The following UBQLN4 variants were observed in gnomAD, a reference collection of about 807,000 sequenced individuals.
UBQLN4 encodes ubiquilin-4.
UBQLN4 carries 11 observed loss-of-function variants against 60.4 expected under a neutral mutation model. That is an observed-to-expected ratio of 0.18 (90% CI 0.11 to 0.30). UBQLN4 has a LOEUF of 0.30. Ranked by LOEUF, UBQLN4 falls within the 10% of genes least tolerant of loss-of-function variation. The pLI, the probability that UBQLN4 is intolerant of heterozygous loss-of-function variation, is 1.00. For synonymous variants in UBQLN4, 258 were observed against 313.1 expected (o/e 0.82, Z 1.86); for missense variants, 417 against 795.5 (o/e 0.52, Z 5.72).
intron 10 of UBQLN4, among the ~76,000 whole-genome samples, chr1:156,039,724 T>C (rs1572270037): frequency 1.4e-5 from 2 of 148,022 alleles, no homozygotes; most frequent in Non-Finnish European, 3.0e-5. Flanking sequence ...GATCACGAGG[T>C]CAGGCGATCG....
chr1:156,042,854 G>A lies in UBQLN4; in HGVS notation c.1186C>T (p.Leu396=). ...GGTGCTGAGATCACATTCTGCATCA[G>A]CTGGGGGTTCTCAGAGATCTGCTGG... ...LLQQISENPQ[L]MQNVISAPYM... Residue 396 remains leucine (L), a synonymous_variant, in exon 7 of 11, where the codon CTG becomes TTG. Transcript: ENST00000368309. 1 of 1,614,236 alleles carries A rather than the reference G, an allele frequency of 6.2e-7. No individual in the cohort carries two copies. The highest frequency in any genetic ancestry group is 8.5e-7 in the Non-Finnish European group (1 of 1,180,032).
downstream of UBQLN4, among the ~76,000 whole-genome samples, chr1:156,032,150 G>A (rs1405510867): frequency 6.6e-6 from 1 of 150,908 alleles, no homozygotes; most frequent in Admixed American, 6.6e-5. Flanking sequence ...TTACAGGCAC[G>A]TGCCACCACG....
chr1:156,036,988 T>C lies in UBQLN4; in HGVS notation c.1796A>G (p.Gln599Arg). Residue 599 changes from glutamine (Q) to arginine (R), a missense_variant, in exon 11 of 11, where the codon CAG becomes CGG. By Grantham distance (43) the Gln-to-Arg change is conservative. Transcript: ENST00000368309. ...NAAIERLLGS[Q>R]LS ...GCATGGGCCGAGGGATTAGGAGAGC[T>C]GGGAGCCCAGCAGTCTCTCGATAGC... The C allele has an allele frequency of 1.2e-6, 2 of 1,613,998 alleles. No homozygotes were observed. The highest frequency in any genetic ancestry group is 1.7e-6 in the Non-Finnish European group (2 of 1,179,930).
chr1:156,041,259 T>A (rs1430212418), intron 10 of UBQLN4, among the ~76,000 whole-genome samples: 3 of 152,204 alleles, frequency 2.0e-5, no homozygotes, highest in Non-Finnish European at 2.9e-5. Context: ...CTAAAGCATT[T>A]AGAACAGTAT....
At chr1:156,042,945 G>A in intron 6 of UBQLN4, 32 bp from the exon 7 acceptor site, 1 of 1,608,956 alleles carries the variant, frequency 6.2e-7, no homozygotes, top group Non-Finnish European at 8.5e-7. Context: ...GAAAACAGGA[G>A]AGAAAGGGTC....
At chr1:156,042,051 AG>A (rs1211622249) in intron 8 of UBQLN4, 64 bp from the exon 9 acceptor site, 5 of 1,611,696 alleles carry the variant, frequency 3.1e-6, no homozygotes, top group Non-Finnish European at 4.2e-6. Flanking sequence ...AACCTCAACT[AG>A]GAGTCCAGAG....
At chr1:156,038,191 C>T (rs1683456466) in intron 10 of UBQLN4, among the ~76,000 whole-genome samples, 1 of 152,184 alleles carries the variant, frequency 6.6e-6, no homozygotes, top group Non-Finnish European at 1.5e-5. Flanking sequence ...GGCTGGCCAA[C>T]ATGGCGAAAC....
In UBQLN4 at chr1:156,051,129, A is replaced by G. The variant is rs1202947812; in HGVS notation, c.459T>C (p.Ser153=). The G allele has an allele frequency of 6.2e-7, 1 of 1,613,360 alleles. No individual in the cohort carries two copies. The highest frequency in any genetic ancestry group is 1.7e-5 in the Admixed American group (1 of 59,938). Residue 153 remains serine (S), a synonymous_variant, in exon 3 of 11, where the codon AGT becomes AGC. Transcript: ENST00000368309. Reference sequence around the variant, plus strand: ...GCTTACAGAGTATGGACGCAGTAGCACTGGGGGATCCCTCCCCAGCCCCCG... The same window carrying G: ...GCTTACAGAGTATGGACGCAGTAGCGCTGGGGGATCCCTCCCCAGCCCCCG... ...PSPGAGEGSP[S]ATASILSGFG... is the part of the protein sequence containing the mutation.
Position 156,036,035 on chromosome 1 carries a change from G to T in UBQLN4, c.*943C>A. 16 of 985,626 alleles carry T rather than the reference G, an allele frequency of 1.6e-5. No individual in the cohort carries two copies. Among genetic ancestry groups the T allele is most frequent in the Non-Finnish European group, 1.9e-5 (16 of 829,962 alleles). The allele number at this position is 985,626 out of a possible 1,614,324, so 61.1% of individuals were successfully genotyped here. ...GACCTGGGTCCATGGAAATGTGTGT[G>T]TGTGTGCATATAAGCACATATGCTT... On this transcript the variant is annotated 3_prime_UTR_variant, in exon 11 of 11. Transcript: ENST00000368309.
chr1:156,046,116 G>C (rs1162728496), intron 5 of UBQLN4, among the ~76,000 whole-genome samples: 3 of 151,944 alleles, frequency 2.0e-5, no homozygotes, highest in African/African-American at 7.3e-5. Flanking sequence ...AAAATGCTGA[G>C]ATTATAGGCA....
chr1:156,053,177 G>A (rs1683923789), intron 1 of UBQLN4, among the ~76,000 whole-genome samples: 1 of 152,098 alleles, frequency 6.6e-6, no homozygotes, highest in Non-Finnish European at 1.5e-5. Flanking sequence ...TCCCCCGACA[G>A]CCCCGTCGCT....
At chr1:156,052,995 A>G (rs918578346) in intron 1 of UBQLN4, among the ~76,000 whole-genome samples, 9 of 152,208 alleles carry the variant, frequency 5.9e-5, no homozygotes, top group Non-Finnish European at 1.3e-4. Context: ...AGCCCCGCCT[A>G]TGTGAAATTA....
At chr1:156,039,606 G>A (rs1332142749) in intron 10 of UBQLN4, among the ~76,000 whole-genome samples, 1 of 151,938 alleles carries the variant, frequency 6.6e-6, no homozygotes, top group Admixed American at 6.6e-5. Flanking sequence ...TTTGCCCAAG[G>A]GGTATTTGGA....
chr1:156,046,536 A>G lies in UBQLN4; in HGVS notation c.900+1965T>C, dbSNP rs143468127. Among the ~76,000 whole-genome samples the G allele has an allele frequency of 6.0e-3, 899 of 149,984 alleles. 4 individuals carry two copies. The highest frequency in any genetic ancestry group is 8.3e-3 in the Non-Finnish European group (560 of 67,544). On this transcript the variant is annotated intron_variant, in intron 5 of 10. Transcript: ENST00000368309. ...AACCAAAAACACAAAACATTTTTAA[A>G]GGTTGTATTAAAAAAAAAAAAAGCA... is the stretch of plus-strand genomic sequence containing the variant.
downstream of UBQLN4, chr1:156,033,194 G>A: frequency 1.0e-6 from 1 of 985,362 alleles, no homozygotes; most frequent in Non-Finnish European, 1.2e-6. Flanking sequence ...CTGGAGCAAG[G>A]AGGAGCCCGG....
intron 1 of UBQLN4, 90 bp from the exon 2 acceptor site, chr1:156,051,947 C>T (rs1683882636): frequency 1.3e-6 from 2 of 1,523,422 alleles, no homozygotes; most frequent in Non-Finnish European, 1.8e-6. Flanking sequence ...TCTGCACTCT[C>T]TTGCTCTCAT....
intron 1 of UBQLN4, among the ~76,000 whole-genome samples, chr1:156,053,166 C>T (rs1683923275): frequency 6.6e-6 from 1 of 152,158 alleles, no homozygotes; most frequent in Non-Finnish European, 1.5e-5. Context: ...CAGGGAAATC[C>T]TCCCCCGACA....
chr1:156,046,331 T>C (rs1276594630), intron 5 of UBQLN4, among the ~76,000 whole-genome samples: 4 of 57,490 alleles, frequency 7.0e-5, no homozygotes, highest in Middle Eastern at 0.024. Context: ...CTACTAATAA[T>C]ACAAAAAAAA....
At position 156,036,896 on chromosome 1, in the gene UBQLN4, A is replaced by G. The variant is rs1683416717; in HGVS notation, c.*82T>C. Reference sequence around the variant, plus strand: ...TGAGGGAGAAGACGGAAGGGAGGACAAGCTGCAGAGGGTAAGGATTGACAG... The same window carrying G: ...TGAGGGAGAAGACGGAAGGGAGGACGAGCTGCAGAGGGTAAGGATTGACAG... On this transcript the variant is annotated 3_prime_UTR_variant, in exon 11 of 11. Coordinates refer to ENST00000368309, the MANE Select transcript of UBQLN4 (RefSeq NM_020131.5). 6.4e-7 allele frequency: 1 copy of G among 1,551,394 alleles called. No individual in the cohort carries two copies. The highest frequency in any genetic ancestry group is 1.4e-5 in the African/African-American group (1 of 73,012).
Sources: allele counts gnomAD v4.1 joint callset (sites outside exome capture counted in the v4.1 genomes callset), GRCh38; gene constraint gnomAD v4.1.1; transcripts MANE v1.5; gene names NCBI Gene and HGNC (gene_info 2026-07-23, HGNC 2026-07-21).